YWHAZ: variants seen among roughly 807,000 people sequenced by gnomAD.
The protein encoded by YWHAZ is tyrosine 3-monooxygenase/tryptophan 5-monooxygenase activation protein zeta, also known as 14-3-3 protein zeta/delta.
For synonymous variants in YWHAZ, 87 were observed against 103.6 expected (o/e 0.84, Z 0.97); for missense variants, 79 against 284.8 (o/e 0.28, Z 5.20).
At chr8:100,921,180 T>C (rs1277505274) in intron 5 of YWHAZ, among the ~76,000 whole-genome samples, 3 of 152,078 alleles carry the variant, frequency 2.0e-5, no homozygotes, top group Admixed American at 1.3e-4. Context: ...ACTACAGGCA[T>C]GTGCCACCAC....
intron 2 of YWHAZ, among the ~76,000 whole-genome samples, chr8:100,937,636 C>A (rs1460528251): frequency 6.6e-6 from 1 of 152,136 alleles, no homozygotes; most frequent in Non-Finnish European, 1.5e-5. Flanking sequence ...GCCTCCATAA[C>A]CCATTCTTCT....
At chr8:100,925,293 C>A (rs1813283171) in intron 2 of YWHAZ, among the ~76,000 whole-genome samples, 1 of 152,144 alleles carries the variant, frequency 6.6e-6, no homozygotes, top group Non-Finnish European at 1.5e-5. Flanking sequence ...TGGTCCCTGA[C>A]AATGTTATCT....
intron 1 of YWHAZ, chr8:100,951,067 A>G: frequency 8.4e-6 from 2 of 237,422 alleles, no homozygotes; most frequent in Non-Finnish European, 1.3e-5. Flanking sequence ...GTTCACAAGG[A>G]GCAAAAAAAG....
intron 2 of YWHAZ, among the ~76,000 whole-genome samples, chr8:100,946,372 A>C (rs1341863648): frequency 6.6e-6 from 1 of 152,202 alleles, no homozygotes; most frequent in Non-Finnish European, 1.5e-5. Flanking sequence ...CGACAAGGTG[A>C]AACCCCATCT....
chr8:100,951,899 G>C, intron 1 of YWHAZ, 30 bp downstream of exon 1: 1 of 993,562 alleles, frequency 1.0e-6, no homozygotes, highest in Non-Finnish European at 1.2e-6. Flanking sequence ...GGGACAGGAA[G>C]CGAGGCGCGG....
At chr8:100,925,881 C>T (rs968018590) in intron 2 of YWHAZ, among the ~76,000 whole-genome samples, 1 of 151,690 alleles carries the variant, frequency 6.6e-6, no homozygotes, top group Non-Finnish European at 1.5e-5. Context: ...TTTTTCTTTC[C>T]AGTTAAGGGG....
Position 100,924,858 on chromosome 8 carries a change from C to T in YWHAZ, c.418+58G>A, listed in dbSNP as rs1209943445. The T allele has an allele frequency of 2.5e-6, 4 of 1,603,462 alleles. No individual in the cohort carries two copies. In the African/African-American group the frequency reaches 4.0e-5, roughly 16 times the overall value. ...CAAGACATTATGTACGCTTCAGAGACTCTTCCTCACTATGTTATCTTATAC... is the reference window on the plus strand; with the variant it reads ...CAAGACATTATGTACGCTTCAGAGATTCTTCCTCACTATGTTATCTTATAC... On this transcript the variant is annotated intron_variant, in intron 3 of 5. Transcript: ENST00000395958. The surrounding 1 kb of genome is among the most constrained non-coding windows in gnomAD (Gnocchi z 5.7).
rs1812727636 is a variant in YWHAZ, at chr8:100,916,699, T to C, written c.*3994A>G. 6.6e-6 allele frequency: 1 copy of C among 152,228 alleles called. No homozygotes were observed. Among genetic ancestry groups the C allele is most frequent in the Admixed American group, 6.5e-5 (1 of 15,284 alleles). 9.4% of individuals were successfully genotyped at this position (152,228 alleles called of 1,614,324 possible). A position where few individuals can be genotyped will look rare whatever the true frequency, so the allele number is the denominator to read the frequency against. ...TTCACATCTCTGGTATCACCTAGGATTGGCTAACATTATGCTTAAATATAT... is the reference window on the plus strand; with the variant it reads ...TTCACATCTCTGGTATCACCTAGGACTGGCTAACATTATGCTTAAATATAT... On this transcript the variant is annotated 3_prime_UTR_variant, in exon 6 of 6. Transcript: ENST00000395958.
Position 100,919,682 on chromosome 8 carries a change from G to A in YWHAZ, c.*1011C>T, listed in dbSNP as rs552599903. 5 of 152,714 alleles carry A rather than the reference G, an allele frequency of 3.3e-5. No individual in the cohort carries two copies. In the South Asian group the frequency reaches 1.0e-3, roughly 32 times the overall value. 9.5% of individuals were successfully genotyped at this position (152,714 alleles called of 1,614,324 possible). ...AGACTAATTTACATGAAAAGCTGTA[G>A]AGAAAGTAGTTGAAAAGTCCATTCA... is the stretch of plus-strand genomic sequence containing the variant. On this transcript the variant is annotated 3_prime_UTR_variant, in exon 6 of 6. Coordinates refer to ENST00000395958, the MANE Select transcript of YWHAZ (RefSeq NM_145690.3).
intron 1 of YWHAZ, among the ~76,000 whole-genome samples, chr8:100,949,793 A>AC (rs1411998558): frequency 6.6e-6 from 1 of 152,168 alleles, no homozygotes; most frequent in East Asian, 1.9e-4. Context: ...TACCATGACT[A>AC]CCCATCTAAT....
rs1813223877 is a variant in YWHAZ, at chr8:100,924,432, G to C, written c.419-134C>G. 1 of 912,418 alleles carries C rather than the reference G, an allele frequency of 1.1e-6. No individual in the cohort carries two copies. Among genetic ancestry groups the C allele is most frequent in the Non-Finnish European group, 1.6e-6 (1 of 636,830 alleles). 56.5% of individuals were successfully genotyped at this position (912,418 alleles called of 1,614,324 possible). ...AGCTTAATATTTGTTAATTGAACAA[G>C]GTCCTTTTTTTTTTTTAAAGGGAGC... On this transcript the variant is annotated intron_variant, in intron 3 of 5. Coordinates refer to ENST00000395958, the MANE Select transcript of YWHAZ (RefSeq NM_145690.3). The surrounding 1 kb of genome is among the most constrained non-coding windows in gnomAD (Gnocchi z 5.7).
chr8:100,950,646 C>T, intron 1 of YWHAZ: 10 of 971,638 alleles, frequency 1.0e-5, no homozygotes, highest in Non-Finnish European at 1.2e-5. Context: ...CCCGCGCCCC[C>T]GCCCAAGCCG....
chr8:100,923,705 G>C (rs1344218331), intron 5 of YWHAZ: 2 of 326,866 alleles, frequency 6.1e-6, no homozygotes, highest in Admixed American at 4.5e-5. Context: ...GCACACTTTT[G>C]ATACTAACAA....
chr8:100,935,779 C>T (rs1467283341), intron 2 of YWHAZ, among the ~76,000 whole-genome samples: 2 of 152,150 alleles, frequency 1.3e-5, no homozygotes, highest in Admixed American at 6.5e-5. Flanking sequence ...AGAGGCAAGA[C>T]AGGCATTTCA....
chr8:100,948,253 G>A lies in YWHAZ; in HGVS notation c.294+343C>T. ...ATGTAAAATTCCTTTATCCACAGAT[G>A]TACATTTAAGATAACCAGCTATAGA... is the stretch of plus-strand genomic sequence containing the variant. On this transcript the variant is annotated intron_variant, in intron 2 of 5. Transcript: ENST00000395958. The surrounding 1 kb of genome is among the most constrained non-coding windows in gnomAD (Gnocchi z 4.2). The A allele has an allele frequency of 1.1e-6, 1 of 942,160 alleles. No homozygotes were observed. The highest frequency in any genetic ancestry group is 1.9e-5 in the South Asian group (1 of 53,006). The allele number at this position is 942,160 out of a possible 1,614,324, so 58.4% of individuals were successfully genotyped here.
chr8:100,939,238 TA>T (rs1174620985), intron 2 of YWHAZ, among the ~76,000 whole-genome samples: 1 of 152,166 alleles, frequency 6.6e-6, no homozygotes, highest in Non-Finnish European at 1.5e-5. Context: ...TTTTTTTTTT[TA>T]ATCAACTGGG....
intron 1 of YWHAZ, chr8:100,951,430 A>C: frequency 1.0e-6 from 1 of 979,190 alleles, no homozygotes; most frequent in Non-Finnish European, 1.2e-6. Context: ...GGGGCGGCCG[A>C]GGGAGAGGGG....
upstream of YWHAZ, chr8:100,952,200 T>A (rs1810846393): frequency 7.2e-6 from 7 of 978,306 alleles, no homozygotes; most frequent in Non-Finnish European, 8.5e-6. Flanking sequence ...GCGCTCGTCC[T>A]GCCCGCCCGC....
intron 2 of YWHAZ, among the ~76,000 whole-genome samples, chr8:100,929,706 A>G (rs567279588): frequency 1.8e-4 from 28 of 152,356 alleles, no homozygotes; most frequent in Admixed American, 1.2e-3. Context: ...TGGTAACATA[A>G]AAGAGGCAAT....
Sources: gnomAD v4.1 joint callset for allele counts (sites outside exome capture counted in the v4.1 genomes callset) on GRCh38, gnomAD v4.1.1 for gene constraint, Gnocchi (gnomAD v3.1) non-coding constraint, MANE v1.5 for transcripts, NCBI Gene and HGNC (gene_info 2026-07-23, HGNC 2026-07-21) for gene names.